GRIN2B: variants seen among roughly 807,000 people sequenced by gnomAD.
GRIN2B encodes glutamate ionotropic receptor NMDA type subunit 2B, also known as glutamate receptor ionotropic, NMDA 2B.
Under a neutral mutation model 114.5 loss-of-function variants are expected in GRIN2B, and 5 were observed. That is an observed-to-expected ratio of 0.04 (90% confidence interval 0.02 to 0.09). The LOEUF (loss-of-function observed/expected upper bound fraction) is 0.09. Among genes scored for constraint, GRIN2B ranks in the 10% least tolerant of loss-of-function variants. GRIN2B has a pLI of 1.00. For missense variants in GRIN2B, 1,108 were observed against 1,943.5 expected (o/e 0.57, Z 8.08); for synonymous variants, 787 against 745.1 (o/e 1.06, Z -0.92).
chr12:13,737,221 C>CT (rs764466497), intron 4 of GRIN2B, among the ~76,000 whole-genome samples: 7 of 147,408 alleles, frequency 4.7e-5, no homozygotes, highest in East Asian at 2.0e-4. Flanking sequence ...TTTTTTTTTT[C>CT]TTTTTTTTGA....
chr12:13,606,187 T>C (rs980549258), intron 10 of GRIN2B, among the ~76,000 whole-genome samples: 1 of 151,942 alleles, frequency 6.6e-6, no homozygotes, highest in Non-Finnish European at 1.5e-5. Flanking sequence ...TATGTTGCTA[T>C]AGAGGAATAC....
At chr12:13,712,243 G>T (rs1002619996) in intron 4 of GRIN2B, among the ~76,000 whole-genome samples, 1 of 123,828 alleles carries the variant, frequency 8.1e-6, no homozygotes, top group Non-Finnish European at 1.7e-5. Context: ...GTGGGGGGAA[G>T]GGGGAGGGAT....
chr12:13,889,134 T>G (rs1334270685), intron 2 of GRIN2B, among the ~76,000 whole-genome samples: 1 of 152,218 alleles, frequency 6.6e-6, no homozygotes, highest in Non-Finnish European at 1.5e-5. Context: ...TTTTAGATTT[T>G]TTGTCAATAA....
At chr12:13,662,978 C>G (rs991993322) in intron 5 of GRIN2B, among the ~76,000 whole-genome samples, 10 of 152,124 alleles carry the variant, frequency 6.6e-5, no homozygotes, top group African/African-American at 2.2e-4. Context: ...CTGTGATCAG[C>G]GGCCCTTATG....
intron 10 of GRIN2B, among the ~76,000 whole-genome samples, chr12:13,597,038 C>T (rs902119811): frequency 1.3e-5 from 2 of 152,246 alleles, no homozygotes; most frequent in Non-Finnish European, 2.9e-5. Context: ...GTGGGGTCAG[C>T]TCTCTGGATC....
intron 3 of GRIN2B, among the ~76,000 whole-genome samples, chr12:13,762,327 A>G (rs922780633): frequency 6.6e-6 from 1 of 152,200 alleles, no homozygotes; most frequent in Non-Finnish European, 1.5e-5. Context: ...GGTATGAAAT[A>G]CTAAATCCAA....
At chr12:13,759,128 C>T (rs533357556) in intron 3 of GRIN2B, among the ~76,000 whole-genome samples, 55 of 151,084 alleles carry the variant, frequency 3.6e-4, no homozygotes, top group Non-Finnish European at 6.5e-4. Flanking sequence ...ATGCCTCAGC[C>T]TCCCGAGTAG....
intron 2 of GRIN2B, among the ~76,000 whole-genome samples, chr12:13,970,073 G>A (rs906872686): frequency 2.0e-5 from 3 of 152,108 alleles, no homozygotes; most frequent in Admixed American, 6.5e-5. Context: ...GGCTGGTCTC[G>A]AACTCCTGAC....
intron 5 of GRIN2B, among the ~76,000 whole-genome samples, chr12:13,666,185 T>C (rs1184758854): frequency 6.6e-6 from 1 of 152,136 alleles, no homozygotes; most frequent in African/African-American, 2.4e-5. Context: ...GTGACTGCCT[T>C]CTATGTGCAC....
At chr12:13,825,496 T>TTTTTTGTGTGTGTGTGTGTG (rs375940899) in intron 3 of GRIN2B, among the ~76,000 whole-genome samples, 1 of 122,994 alleles carries the variant, frequency 8.1e-6, no homozygotes, top group African/African-American at 3.1e-5. Flanking sequence ...TATATATATT[T>TTTTTTGTGTGTGTGTGTGTG]TGTGTGTGTG....
chr12:13,605,563 A>T (rs1166365200), intron 10 of GRIN2B, among the ~76,000 whole-genome samples: 36 of 131,364 alleles, frequency 2.7e-4, no homozygotes, highest in Non-Finnish European at 3.9e-4. Flanking sequence ...ACACACACAC[A>T]CACACACACA....
At position 13,562,888 on chromosome 12, in the gene GRIN2B, G is replaced by C; in HGVS notation, c.4350C>G (p.Asn1450Lys). 1 of 1,614,148 alleles carries C rather than the reference G, an allele frequency of 6.2e-7. No homozygotes were observed. The highest frequency in any genetic ancestry group is 1.1e-5 in the South Asian group (1 of 91,090). ...TGTTAGGCACACAGGGGTTGGACTG[G>C]TTCCCTATACAGATGTCCTTCTGGA... ...ARFQKDICIGNQSNPCVPNNK... is the reference protein window; with the variant it reads ...ARFQKDICIGKQSNPCVPNNK... Residue 1450 changes from asparagine to lysine, a missense_variant, in exon 14 of 14, where the codon AAC becomes AAG. Physicochemically the swap from Asn to Lys is moderately conservative, Grantham distance 94 (BLOSUM62 0). Coordinates refer to ENST00000609686, the MANE Select transcript of GRIN2B (RefSeq NM_000834.5).
chr12:13,858,508 C>T (rs892518102), intron 3 of GRIN2B, among the ~76,000 whole-genome samples: 5 of 152,064 alleles, frequency 3.3e-5, no homozygotes, highest in African/African-American at 1.2e-4. Flanking sequence ...AAAATATACT[C>T]TTTGTATAGA....
At chr12:13,638,670 T>G (rs914708541) in intron 5 of GRIN2B, among the ~76,000 whole-genome samples, 1 of 152,142 alleles carries the variant, frequency 6.6e-6, no homozygotes, top group Non-Finnish European at 1.5e-5. Context: ...AAAATGGTTC[T>G]GTCCTCAAAA....
At chr12:13,972,448 C>A (rs972137702) in intron 2 of GRIN2B, among the ~76,000 whole-genome samples, 1 of 150,916 alleles carries the variant, frequency 6.6e-6, no homozygotes, top group Non-Finnish European at 1.5e-5. Context: ...ACCACCACCT[C>A]TTTCATTATC....
chr12:13,743,734 T>C (rs1046349010), intron 4 of GRIN2B, among the ~76,000 whole-genome samples: 1 of 152,162 alleles, frequency 6.6e-6, no homozygotes, highest in Non-Finnish European at 1.5e-5. Context: ...CTTCACATGT[T>C]TGTTATAATG....
rs1425325795 is a variant in GRIN2B, at chr12:13,547,979, A to ATTTTTTTTTT, written c.*14803_*14804insAAAAAAAAAA. The ATTTTTTTTTT allele has an allele frequency of 3.4e-5, 2 of 59,560 alleles. No homozygotes were observed. Among genetic ancestry groups the ATTTTTTTTTT allele is most frequent in the Non-Finnish European group, 7.3e-5 (2 of 27,346 alleles). The allele number at this position is 59,560 out of a possible 1,614,324, so 3.7% of individuals were successfully genotyped here. A position where few individuals can be genotyped will look rare whatever the true frequency, so the allele number is the denominator to read the frequency against. On this transcript the variant is annotated 3_prime_UTR_variant, in exon 14 of 14. Transcript: ENST00000609686. The stretch of plus-strand genomic sequence containing the variant: ...TGTGTGTATATATATATATATATAT[A>ATTTTTTTTTT]TATTTTTTTTTTTTTTCTGAAAGCT...
chr12:13,599,983 G>T (rs1440437890), intron 10 of GRIN2B, among the ~76,000 whole-genome samples: 2 of 152,184 alleles, frequency 1.3e-5, no homozygotes, highest in African/African-American at 4.8e-5. Flanking sequence ...AATTAAAATT[G>T]TTTGTTGCCT....
intron 3 of GRIN2B, among the ~76,000 whole-genome samples, chr12:13,755,730 A>G (rs1351366636): frequency 6.6e-6 from 1 of 152,224 alleles, no homozygotes; most frequent in East Asian, 1.9e-4. Flanking sequence ...GTTAAATAAC[A>G]CAGTGGGACT....
Sources: gnomAD v4.1 joint callset for allele counts (sites outside exome capture counted in the v4.1 genomes callset) on GRCh38, gnomAD v4.1.1 for gene constraint, MANE v1.5 for transcripts, NCBI Gene and HGNC (gene_info 2026-07-23, HGNC 2026-07-21) for gene names.